JPH3: variants seen among roughly 807,000 people sequenced by gnomAD.
The protein encoded by JPH3 is junctophilin 3, also known as junctophilin-3.
JPH3 carries 11 observed loss-of-function variants against 59.6 expected under a neutral mutation model. The ratio of observed to expected loss-of-function variants is 0.18; its 90% CI spans 0.12 to 0.31. JPH3 has a LOEUF of 0.31. JPH3 is among the 10% of genes least tolerant of loss of function. The pLI is 1.00. For missense variants in JPH3, 1,202 were observed against 1,105.7 expected (o/e 1.09, Z -1.24); for synonymous variants, 673 against 483.6 (o/e 1.39, Z -5.14).
chr16:87,650,965 C>G (rs1395223815), intron 2 of JPH3, among the ~76,000 whole-genome samples: 1 of 152,216 alleles, frequency 6.6e-6, no homozygotes, highest in East Asian at 1.9e-4. Flanking sequence ...GAAGGAGATT[C>G]CATCTAGGAC....
intron 1 of JPH3, among the ~76,000 whole-genome samples, chr16:87,617,728 G>A (rs914838185): frequency 2.0e-5 from 3 of 152,182 alleles, no homozygotes; most frequent in African/African-American, 7.2e-5. Context: ...AGCAGGTGCA[G>A]GTGCAGGAGC....
intron 1 of JPH3, among the ~76,000 whole-genome samples, chr16:87,627,108 C>CG (rs945034737): frequency 5.9e-5 from 9 of 152,284 alleles, no homozygotes; most frequent in South Asian, 4.1e-4. Flanking sequence ...GTCTCTGGGC[C>CG]GGGGGGCGAG....
intron 1 of JPH3, among the ~76,000 whole-genome samples, chr16:87,632,620 C>T (rs955912200): frequency 1.3e-5 from 2 of 152,190 alleles, no homozygotes; most frequent in African/African-American, 4.8e-5. Flanking sequence ...TGGCTGGGTG[C>T]AGCGACTCAC....
intron 2 of JPH3, among the ~76,000 whole-genome samples, chr16:87,681,254 G>T (rs1240446578): frequency 6.8e-6 from 1 of 147,904 alleles, no homozygotes; most frequent in African/African-American, 2.5e-5. Context: ...AGTTCCAGAA[G>T]GTCACGTGCG....
At chr16:87,693,105 T>C (rs931911394) in intron 4 of JPH3, among the ~76,000 whole-genome samples, 1 of 152,244 alleles carries the variant, frequency 6.6e-6, no homozygotes, top group African/African-American at 2.4e-5. Flanking sequence ...GAGGCCACGA[T>C]GCCACGGAAA....
intron 1 of JPH3, among the ~76,000 whole-genome samples, chr16:87,641,142 C>G (rs2031937005): frequency 6.6e-6 from 1 of 152,214 alleles, no homozygotes; most frequent in Non-Finnish European, 1.5e-5. Context: ...GCTGGGACCT[C>G]TGGGCAAGAG....
chr16:87,696,280 C>T lies in JPH3; in HGVS notation c.2167-300C>T, dbSNP rs576813528. ...CTTGCAGGGAGGCCTGGGTGGTTCT[C>T]TCCAAGGGGACCCTGGGAGAGCTGG... On this transcript the variant is annotated intron_variant, in intron 4 of 4. Transcript: ENST00000284262. 173 of 498,278 alleles carry T rather than the reference C, an allele frequency of 3.5e-4. 1 individual carries two copies. Among genetic ancestry groups the T allele is most frequent in the African/African-American group, 3.3e-3 (169 of 51,484 alleles). 30.9% of individuals were successfully genotyped at this position (498,278 alleles called of 1,614,324 possible). A position where few individuals can be genotyped will look rare whatever the true frequency, so the allele number is the denominator to read the frequency against.
intron 2 of JPH3, among the ~76,000 whole-genome samples, chr16:87,682,379 C>G (rs1335467800): frequency 1.3e-5 from 2 of 152,080 alleles, no homozygotes; most frequent in Non-Finnish European, 2.9e-5. Flanking sequence ...AAGGTGTTTG[C>G]GCCCCCTAGG....
chr16:87,634,049 C>T (rs750168243), intron 1 of JPH3, among the ~76,000 whole-genome samples: 31 of 152,096 alleles, frequency 2.0e-4, no homozygotes, highest in Non-Finnish European at 4.4e-5. Flanking sequence ...GTGAAACGGC[C>T]GTGCAATGAA....
At chr16:87,626,982 T>TA (rs892119644) in intron 1 of JPH3, among the ~76,000 whole-genome samples, 7 of 152,060 alleles carry the variant, frequency 4.6e-5, no homozygotes, top group Admixed American at 6.6e-5. Flanking sequence ...CTCTATTTAT[T>TA]AAAAAAAAGT....
intron 3 of JPH3, among the ~76,000 whole-genome samples, chr16:87,686,897 T>G (rs1235453333): frequency 6.6e-6 from 1 of 152,192 alleles, no homozygotes; most frequent in East Asian, 1.9e-4. Flanking sequence ...AGTCCAGTCC[T>G]CGAGGGTCTG....
intron 1 of JPH3, among the ~76,000 whole-genome samples, chr16:87,625,646 C>G (rs954054316): frequency 6.6e-6 from 1 of 152,166 alleles, no homozygotes; most frequent in South Asian, 2.1e-4. Context: ...GAGGATCTAA[C>G]AGGGGTTCCT....
At position 87,689,712 on chromosome 16, in the gene JPH3, C is replaced by T; in HGVS notation, c.1352C>T (p.Thr451Ile). 6.2e-6 allele frequency: 10 copies of T among 1,612,562 alleles called. No homozygotes were observed. Among genetic ancestry groups the T allele is most frequent in the South Asian group, 2.2e-5 (2 of 91,030 alleles). ...CDDIEVLSTG[T>I]PLQQESPELY... ...GACATCGAGGTGCTGTCCACCGGGACACCCCTGCAGCAGGAGAGCCCCGAG... is the reference window on the plus strand; with the variant it reads ...GACATCGAGGTGCTGTCCACCGGGATACCCCTGCAGCAGGAGAGCCCCGAG... Residue 451 changes from threonine (T) to isoleucine (I), a missense_variant, in exon 4 of 5, where the codon ACA (threonine) becomes ATA (isoleucine). Thr to Ile is a moderately conservative substitution (Grantham distance 89, BLOSUM62 -1). Transcript: ENST00000284262.
At chr16:87,660,164 C>T (rs1454801397) in intron 2 of JPH3, among the ~76,000 whole-genome samples, 1 of 152,202 alleles carries the variant, frequency 6.6e-6, no homozygotes, top group Non-Finnish European at 1.5e-5. Context: ...GGAGAGACGG[C>T]AGTGCACAGG....
At chr16:87,660,792 T>G (rs368649199) in intron 2 of JPH3, among the ~76,000 whole-genome samples, 6 of 152,290 alleles carry the variant, frequency 3.9e-5, no homozygotes, top group African/African-American at 1.4e-4. Flanking sequence ...GCCATCCATA[T>G]AAGGCTGGAG....
At chr16:87,674,339 AAAC>A (rs1482006327) in intron 2 of JPH3, among the ~76,000 whole-genome samples, 1 of 152,126 alleles carries the variant, frequency 6.6e-6, no homozygotes, top group Non-Finnish European at 1.5e-5. Flanking sequence ...TCTCAAAAAA[AAAC>A]AAAAACAAAA....
chr16:87,689,790 T>A lies in JPH3; in HGVS notation c.1430T>A (p.Leu477Gln). 1 of 1,603,078 alleles carries A rather than the reference T, an allele frequency of 6.2e-7. No individual in the cohort carries two copies. The highest frequency in any genetic ancestry group is 8.5e-7 in the Non-Finnish European group (1 of 1,174,694). ...GACCTGACCCCCGACGACAGCCCCC[T>A]GCAGAGCTTCCCCACCAGCCCCGCG... is the stretch of plus-strand genomic sequence containing the variant. ...PSDLTPDDSP[L>Q]QSFPTSPAAT... The change falls in exon 4 of 5, where the codon CTG (leucine) becomes CAG (glutamine). Residue 477 changes from leucine to glutamine, a missense_variant. By Grantham distance (113) the Leu-to-Gln change is moderately radical. Transcript: ENST00000284262.
In JPH3 at chr16:87,689,722, G is replaced by A; in HGVS notation, c.1362G>A (p.Gln454=). 1.2e-6 allele frequency: 2 copies of A among 1,612,542 alleles called. No individual in the cohort carries two copies. Among genetic ancestry groups the A allele is most frequent in the Non-Finnish European group, 1.7e-6 (2 of 1,179,812 alleles). ...IEVLSTGTPL[Q]QESPELYRKG... ...TGCTGTCCACCGGGACACCCCTGCA[G>A]CAGGAGAGCCCCGAGCTGTACCGCA... The change falls in exon 4 of 5, where the codon CAG becomes CAA. Residue 454 remains glutamine, a synonymous_variant. Coordinates refer to ENST00000284262, the MANE Select transcript of JPH3 (RefSeq NM_020655.4).
intron 2 of JPH3, among the ~76,000 whole-genome samples, chr16:87,666,077 G>C (rs2032850906): frequency 6.7e-6 from 1 of 148,900 alleles, no homozygotes. Context: ...TAAATAACAG[G>C]TACTTCTTTT....
Sources: gnomAD v4.1 joint callset for allele counts (sites outside exome capture counted in the v4.1 genomes callset) on GRCh38, gnomAD v4.1.1 for gene constraint, MANE v1.5 for transcripts, NCBI Gene and HGNC (gene_info 2026-07-23, HGNC 2026-07-21) for gene names.